The following RFX6 variants were observed in gnomAD, a reference collection of about 807,000 sequenced individuals.
RFX6 encodes regulatory factor X6.
Under a neutral mutation model 110.8 loss-of-function variants are expected in RFX6, and 50 were observed. The ratio of observed to expected loss-of-function variants is 0.45; its 90% CI spans 0.36 to 0.57. The LOEUF is 0.57. Among genes scored for constraint, RFX6 ranks in the 20% least tolerant of loss-of-function variants. The pLI is 0.00. For synonymous variants in RFX6, 383 were observed against 411.2 expected (o/e 0.93, Z 0.83); for missense variants, 990 against 1,127.0 (o/e 0.88, Z 1.74).
intron 4 of RFX6, among the ~76,000 whole-genome samples, chr6:116,885,445 A>G (rs560533047): frequency 5.3e-5 from 8 of 152,288 alleles, no homozygotes; most frequent in East Asian, 3.9e-4. Flanking sequence ...AGATGCATGC[A>G]CTCATCTCTA....
chr6:116,895,056 A>G (rs1774913507), intron 5 of RFX6, 124 bp from the exon 6 acceptor site: 2 of 565,838 alleles, frequency 3.5e-6, no homozygotes, highest in African/African-American at 3.8e-5. Flanking sequence ...AAAAAAGCAA[A>G]TTTCTCCAGC....
Position 116,932,121 on chromosome 6 carries a change from T to TA in RFX6, c.*621dup, listed in dbSNP as rs1775899948. 6.6e-6 allele frequency: 1 copy of TA among 152,602 alleles called. No individual in the cohort carries two copies. The highest frequency in any genetic ancestry group is 6.5e-5 in the Admixed American group (1 of 15,272). The allele number at this position is 152,602 out of a possible 1,614,324, so 9.5% of individuals were successfully genotyped here. On this transcript the variant is annotated 3_prime_UTR_variant, in exon 19 of 19. Transcript: ENST00000332958. ...TGATAAGTGCTTTCCCCTCTTTATT[T>TA]AAAAAAGATTAAAAGGAATAAAAGA... is the stretch of plus-strand genomic sequence containing the variant.
intron 6 of RFX6, among the ~76,000 whole-genome samples, chr6:116,902,689 T>A (rs1165727061): frequency 6.6e-6 from 1 of 152,096 alleles, no homozygotes; most frequent in Non-Finnish European, 1.5e-5. Context: ...ATTGATTTCA[T>A]ACATTTCTAC....
At chr6:116,918,296 G>A (rs1346254461) in intron 10 of RFX6, among the ~76,000 whole-genome samples, 1 of 152,058 alleles carries the variant, frequency 6.6e-6, no homozygotes, top group Non-Finnish European at 1.5e-5. Flanking sequence ...CCTTTAATTT[G>A]AGAGCGGCTA....
At chr6:116,925,316 C>T (rs1179665030) in intron 15 of RFX6, 137 bp from the exon 16 acceptor site, 1 of 821,700 alleles carries the variant, frequency 1.2e-6, no homozygotes, top group Non-Finnish European at 2.1e-6. Context: ...AACCTCACTT[C>T]CCATGGGAAA....
chr6:116,885,638 A>T (rs1420748146), intron 4 of RFX6, among the ~76,000 whole-genome samples: 1 of 152,160 alleles, frequency 6.6e-6, no homozygotes, highest in Non-Finnish European at 1.5e-5. Flanking sequence ...AGGGAAGCCT[A>T]CTACTTTTTT....
intron 6 of RFX6, among the ~76,000 whole-genome samples, chr6:116,902,269 T>C (rs1441543454): frequency 1.3e-5 from 2 of 152,040 alleles, no homozygotes; most frequent in African/African-American, 4.8e-5. Flanking sequence ...GTATTGGAAA[T>C]GTCTCATGTC....
intron 9 of RFX6, 61 bp from the exon 10 acceptor site, chr6:116,917,976 T>C: frequency 1.7e-6 from 2 of 1,174,630 alleles, no homozygotes; most frequent in Non-Finnish European, 2.5e-6. Context: ...TGACCAATAA[T>C]ATGTCTTTCT....
intron 6 of RFX6, among the ~76,000 whole-genome samples, chr6:116,897,447 T>C (rs553009564): frequency 6.6e-6 from 1 of 152,200 alleles, no homozygotes; most frequent in Non-Finnish European, 1.5e-5. Context: ...GTGTATCATG[T>C]TGTAGAAAAA....
At position 116,916,052 on chromosome 6, in the gene RFX6, C is replaced by A; in HGVS notation, c.825C>A (p.Ile275=). ...TGTACAAAACTCACTGCCAGTGTAT[C>A]CTGGACAATGCAATTAATGGAAACT... is the stretch of plus-strand genomic sequence containing the variant. ...IMMYKTHCQC[I]LDNAINGNFE... is the part of the protein sequence containing the mutation. Residue 275 remains isoleucine, a synonymous_variant, in exon 8 of 19, where the codon ATC becomes ATA. Transcript: ENST00000332958. 9.9e-6 allele frequency: 16 copies of A among 1,611,840 alleles called. No homozygotes were observed. Among genetic ancestry groups the A allele is most frequent in the Non-Finnish European group, 1.4e-5 (16 of 1,178,232 alleles).
intron 17 of RFX6, among the ~76,000 whole-genome samples, chr6:116,927,743 C>CTTTTTTTTTTTTTTTTT (rs60638457): frequency 3.3e-5 from 4 of 119,558 alleles, no homozygotes; most frequent in Non-Finnish European, 6.7e-5. Flanking sequence ...GCCCTTCTTC[C>CTTTTTTTTTTTTTTTTT]TTTTTTTTTT....
Position 116,927,008 on chromosome 6 carries a change from T to C in RFX6, c.1886-19T>C. 1.9e-6 allele frequency: 3 copies of C among 1,608,264 alleles called. No individual in the cohort carries two copies. Among genetic ancestry groups the C allele is most frequent in the Non-Finnish European group, 2.6e-6 (3 of 1,174,752 alleles). ...ACTTTAATATGACACTAAAGGAATG[T>C]TCTGGTGATTTTTTCCAGGTCAAAT... is the stretch of plus-strand genomic sequence containing the variant. On this transcript the variant is annotated intron_variant, in intron 16 of 18. Transcript: ENST00000332958.
At chr6:116,893,847 C>G in intron 4 of RFX6, 140 bp from the exon 5 acceptor site, 1 of 699,616 alleles carries the variant, frequency 1.4e-6, no homozygotes, top group East Asian at 2.7e-5. Flanking sequence ...AAGATGCTGC[C>G]TACCTGAAAA....
chr6:116,926,353 C>A (rs1173369243), intron 16 of RFX6, among the ~76,000 whole-genome samples: 1 of 152,162 alleles, frequency 6.6e-6, no homozygotes, highest in Non-Finnish European at 1.5e-5. Flanking sequence ...TACAATAATT[C>A]TCCCTTTTGG....
At chr6:116,927,743 C>CCTTTT (rs577771800) in intron 17 of RFX6, among the ~76,000 whole-genome samples, 1 of 119,560 alleles carries the variant, frequency 8.4e-6, no homozygotes, top group Non-Finnish European at 1.7e-5. Flanking sequence ...GCCCTTCTTC[C>CCTTTT]TTTTTTTTTT....
intron 6 of RFX6, among the ~76,000 whole-genome samples, chr6:116,898,559 A>G (rs1554195790): frequency 6.6e-6 from 1 of 152,194 alleles, no homozygotes; most frequent in Non-Finnish European, 1.5e-5. Context: ...AAACAGGAAC[A>G]GTAAAGAATG....
At position 116,877,991 on chromosome 6, in the gene RFX6, A is replaced by G. The variant is rs200527100; in HGVS notation, c.380+39A>G. On this transcript the variant is annotated intron_variant, in intron 2 of 18. Transcript: ENST00000332958. ...GCAGGGTACACTGAAGCACCTGTTG[A>G]CGTTTTAACAGCCAGCGTCTTCAGG... is the stretch of plus-strand genomic sequence containing the variant. 1.3e-5 allele frequency: 21 copies of G among 1,586,034 alleles called. No homozygotes were observed. The East Asian group carries it at 4.2e-4, about 32-fold the overall frequency.
chr6:116,921,167 C>G (rs1050870131), intron 12 of RFX6, among the ~76,000 whole-genome samples: 7 of 152,166 alleles, frequency 4.6e-5, no homozygotes, highest in African/African-American at 1.7e-4. Context: ...ATGGACTGCT[C>G]TCTGGGGCCC....
intron 7 of RFX6, among the ~76,000 whole-genome samples, chr6:116,913,479 C>A (rs887551964): frequency 2.0e-5 from 3 of 152,154 alleles, no homozygotes; most frequent in African/African-American, 7.2e-5. Flanking sequence ...GCAGTTGTCT[C>A]CCCCACCACG....
Sources: gnomAD v4.1 joint callset for allele counts (sites outside exome capture counted in the v4.1 genomes callset) on GRCh38, gnomAD v4.1.1 for gene constraint, MANE v1.5 for transcripts, NCBI Gene and HGNC (gene_info 2026-07-23, HGNC 2026-07-21) for gene names.